The following PMS2 variants were observed in gnomAD, a reference collection of about 807,000 sequenced individuals.
The protein encoded by PMS2 is mismatch repair endonuclease PMS2.
Under a neutral mutation model 90.0 loss-of-function variants are expected in PMS2, and 69 were observed. The observed-to-expected ratio is 0.77, with a 90% CI of 0.63 to 0.94. PMS2 has a LOEUF of 0.94. PMS2 is among the 40% of genes least tolerant of loss of function. PMS2 has a pLI of 0.00. For synonymous variants in PMS2, 332 were observed against 375.1 expected, an observed-to-expected ratio of 0.89 and a Z score of 1.33; for missense variants, 966 against 1,040.2, an observed-to-expected ratio of 0.93 and a Z score of 0.98.
At chr7:5,984,351 A>C (rs1339904881) in intron 11 of PMS2, among the ~76,000 whole-genome samples, 2 of 151,812 alleles carry the variant, frequency 1.3e-5, no homozygotes, top group Admixed American at 1.3e-4. Flanking sequence ...ACCACCGCTA[A>C]CCTTCACACG....
chr7:6,001,378 T>C (rs1423424896), intron 5 of PMS2, among the ~76,000 whole-genome samples: 1 of 151,122 alleles, frequency 6.6e-6, no homozygotes, highest in African/African-American at 2.4e-5. Context: ...ATATTCTTTT[T>C]TTTTTTTTTT....
chr7:5,984,740 G>C lies in PMS2; in HGVS notation c.2007-1749C>G, dbSNP rs186081940. On this transcript the variant is annotated intron_variant, in intron 11 of 14. Coordinates refer to ENST00000265849, the MANE Select transcript of PMS2 (RefSeq NM_000535.7). ...GCAGAGCTTGCAGTGAGCTGAGATC[G>C]TGCCAGTGCACTCCAGCCTGGGCGA... is the stretch of plus-strand genomic sequence containing the variant. 2.7e-3 allele frequency among the ~76,000 whole-genome samples: 414 copies of C among 151,742 alleles called. 8 individuals carry two copies. Among genetic ancestry groups the C allele is most frequent in the Non-Finnish European group, 1.4e-3 (92 of 68,022 alleles).
At chr7:6,000,056 G>C (rs543012435) in intron 5 of PMS2, among the ~76,000 whole-genome samples, 1 of 152,006 alleles carries the variant, frequency 6.6e-6, no homozygotes, top group East Asian at 1.9e-4. Context: ...GACTAAAAAA[G>C]ACAATCACAA....
intron 5 of PMS2, among the ~76,000 whole-genome samples, chr7:6,000,648 A>G (rs1784990594): frequency 6.6e-6 from 1 of 152,154 alleles, no homozygotes; most frequent in Admixed American, 6.6e-5. Context: ...AAAAAAGAGT[A>G]AGTTTTCTCT....
chr7:5,983,105 C>G, intron 11 of PMS2, 114 bp from the exon 12 acceptor site: 1 of 1,439,534 alleles, frequency 6.9e-7, no homozygotes, highest in Non-Finnish European at 9.4e-7. Flanking sequence ...AATAAAGTCC[C>G]TAGCCATCCC....
chr7:5,983,099 A>G, intron 11 of PMS2, 108 bp from the exon 12 acceptor site: 1 of 1,490,430 alleles, frequency 6.7e-7, no homozygotes, highest in South Asian at 1.2e-5. Flanking sequence ...AAACAAAATA[A>G]AGTCCCTAGC....
At chr7:5,981,979 AATACATAT>A (rs1196169485) in intron 12 of PMS2, among the ~76,000 whole-genome samples, 1 of 152,084 alleles carries the variant, frequency 6.6e-6, no homozygotes, top group East Asian at 1.9e-4. Context: ...CTTATGGAAA[AATACATAT>A]ATACATATAG....
chr7:5,996,832 A>C (rs1268101235), intron 7 of PMS2, among the ~76,000 whole-genome samples: 1 of 152,042 alleles, frequency 6.6e-6, no homozygotes, highest in Non-Finnish European at 1.5e-5. Flanking sequence ...CTTACTCAAA[A>C]CATGGTTTGA....
chr7:6,004,834 T>G (rs1027337573), intron 2 of PMS2, among the ~76,000 whole-genome samples: 1 of 152,120 alleles, frequency 6.6e-6, no homozygotes, highest in Non-Finnish European at 1.5e-5. Context: ...ATTTGTAAAA[T>G]AGAGAATAAT....
chr7:5,994,982 G>T (rs1784215063), intron 8 of PMS2, among the ~76,000 whole-genome samples: 1 of 152,036 alleles, frequency 6.6e-6, no homozygotes, highest in African/African-American at 2.4e-5. Flanking sequence ...GGTACTTGAA[G>T]TATGGTATCT....
At chr7:6,007,244 T>C (rs1785890159) in intron 1 of PMS2, among the ~76,000 whole-genome samples, 1 of 152,086 alleles carries the variant, frequency 6.6e-6, no homozygotes, top group Non-Finnish European at 1.5e-5. Flanking sequence ...GCCTCCCAAG[T>C]AGCTGGGATT....
At position 6,002,091 on chromosome 7, in the gene PMS2, G is replaced by A. The variant is rs201389874; in HGVS notation, c.537+362C>T. Reference sequence around the variant, plus strand: ...GTCTCCCAGTCTTAAGTGCAGTGGCGCAATCATAGCTCACTGCAGCCTCAA... The same window carrying A: ...GTCTCCCAGTCTTAAGTGCAGTGGCACAATCATAGCTCACTGCAGCCTCAA... On this transcript the variant is annotated intron_variant, in intron 5 of 14. Transcript: ENST00000265849. 22 of 248,154 alleles carry A rather than the reference G, an allele frequency of 8.9e-5. No homozygotes were observed. The East Asian group carries it at 1.5e-3, about 17-fold the overall frequency. The allele number at this position is 248,154 out of a possible 1,614,324, so 15.4% of individuals were successfully genotyped here.
rs1562632936 is a variant in PMS2 at position 5,987,337 on chromosome 7, A to T, written c.1428T>A (p.Ser476Arg). Residue 476 changes from serine (S) to arginine (R), a missense_variant, in exon 11 of 15, where the codon AGT becomes AGA. By Grantham distance (110) the Ser-to-Arg change is moderately radical. Coordinates refer to ENST00000265849, the MANE Select transcript of PMS2 (RefSeq NM_000535.7). The stretch of plus-strand genomic sequence containing the variant: ...TAGGGTCACTGGGTCCGTGACTGGA[A>T]CTCACTGCCTCTTTCTGAGGTCTCA... ...GVLRPQKEAVSSSHGPSDPTD... is the reference protein window; with the variant it reads ...GVLRPQKEAVRSSHGPSDPTD... 1 of 1,614,054 alleles carries T rather than the reference A, an allele frequency of 6.2e-7. No homozygotes were observed. The highest frequency in any genetic ancestry group is 8.5e-7 in the Non-Finnish European group (1 of 1,180,008).
At chr7:6,003,905 T>G in intron 3 of PMS2, 67 bp downstream of exon 3, 1 of 1,269,762 alleles carries the variant, frequency 7.9e-7, no homozygotes, top group Non-Finnish European at 1.2e-6. Context: ...CCCAAGACAG[T>G]GTTACTCAAA....
intron 11 of PMS2, 95 bp from the exon 12 acceptor site, chr7:5,983,086 CA>C: frequency 2.6e-6 from 4 of 1,538,228 alleles, no homozygotes; most frequent in Non-Finnish European, 3.5e-6. Context: ...TCAAACAATA[CA>C]AAAACAAAAT....
chr7:6,002,936 T>C (rs1451583462), intron 4 of PMS2, among the ~76,000 whole-genome samples: 5 of 152,182 alleles, frequency 3.3e-5, no homozygotes. Context: ...CAAACACAGA[T>C]TTGTTTTGTT....
intron 10 of PMS2, among the ~76,000 whole-genome samples, chr7:5,987,830 G>A (rs895364747): frequency 6.6e-6 from 1 of 152,116 alleles, no homozygotes. Flanking sequence ...CAAGGCAGGG[G>A]GATCACATGA....
chr7:5,999,420 G>T, intron 5 of PMS2, 145 bp from the exon 6 acceptor site: 1 of 782,522 alleles, frequency 1.3e-6, no homozygotes, highest in East Asian at 2.7e-5. Context: ...CTGTAAAGAG[G>T]TGTCTTCCTA....
At chr7:6,003,495 T>C in intron 4 of PMS2, 195 bp downstream of exon 4, 2 of 593,914 alleles carry the variant, frequency 3.4e-6, no homozygotes, top group South Asian at 4.2e-5. Flanking sequence ...TTAACAATAC[T>C]ATTTGCTTCA....
Sources: allele counts gnomAD v4.1 joint callset (sites outside exome capture counted in the v4.1 genomes callset), GRCh38; gene constraint gnomAD v4.1.1; transcripts MANE v1.5; gene names NCBI Gene and HGNC (gene_info 2026-07-23, HGNC 2026-07-21).